The following ZFYVE26 variants were observed in gnomAD, a reference collection of about 807,000 sequenced individuals.
ZFYVE26 encodes the protein zinc finger FYVE domain-containing protein 26.
In ZFYVE26, 181 loss-of-function variants were observed where a neutral mutation model predicts 276.5. That is an observed-to-expected ratio of 0.65 (90% CI 0.58 to 0.74). ZFYVE26 has a LOEUF of 0.74. Among genes scored for constraint, ZFYVE26 ranks in the 30% least tolerant of loss-of-function variants. The pLI is 0.00. For synonymous variants in ZFYVE26, 1,129 were observed against 1,203.1 expected, an observed-to-expected ratio of 0.94 and a Z score of 1.27; for missense variants, 2,821 against 3,097.9, an observed-to-expected ratio of 0.91 and a Z score of 2.12.
chr14:67,781,822 A>C (rs927463179), intron 21 of ZFYVE26, among the ~76,000 whole-genome samples: 1 of 152,230 alleles, frequency 6.6e-6, no homozygotes, highest in African/African-American at 2.4e-5. Flanking sequence ...GAAGGACAGA[A>C]GAGATGAAGC....
rs757797866 is a variant in ZFYVE26 at position 67,786,261 on chromosome 14, G to GAAAAAAA, written c.3020-29_3020-28insTTTTTTT. On this transcript the variant is annotated intron_variant, in intron 16 of 41. Coordinates refer to ENST00000347230, the MANE Select transcript of ZFYVE26 (RefSeq NM_015346.4). Reference sequence around the variant, plus strand: ...GGAAATAGATGAAGGAAGAGGGAATGCAAAAAAAAAAAATTGAAGTGTTTT... The same window carrying GAAAAAAA: ...GGAAATAGATGAAGGAAGAGGGAATGAAAAAAACAAAAAAAAAAAATTGAAGTGTTTT... The GAAAAAAA allele has an allele frequency of 1.6e-3, 821 of 516,566 alleles. 16 individuals are homozygous for GAAAAAAA. The highest frequency in any genetic ancestry group is 0.013 in the African/African-American group (479 of 35,802). 32.0% of individuals were successfully genotyped at this position (516,566 alleles called of 1,614,324 possible).
rs2038278121 is a variant in ZFYVE26, at chr14:67,731,691, A to C, written n.2680-1872T>G. 2.6e-5 allele frequency among the ~76,000 whole-genome samples: 4 copies of C among 152,310 alleles called. No individual in the cohort carries two copies. The South Asian group carries it at 8.3e-4, about 32-fold the overall frequency. ...AAGGAAAAAACTGGAATACAAAACT[A>C]TATGATTTTTTATACATAGAGAACA... is the stretch of plus-strand genomic sequence containing the variant. On this transcript the variant is annotated intron_variant and non_coding_transcript_variant, in intron 13 of 14. Transcript: ENST00000394455.
chr14:67,772,297 T>C, intron 27 of ZFYVE26, 87 bp from the exon 28 acceptor site: 2 of 1,422,048 alleles, frequency 1.4e-6, no homozygotes, highest in South Asian at 2.5e-5. Context: ...TTTACCATTT[T>C]ACAAACCGTT....
intron 14 of ZFYVE26, among the ~76,000 whole-genome samples, chr14:67,791,526 T>C (rs2039812809): frequency 6.6e-6 from 1 of 152,110 alleles, no homozygotes; most frequent in Non-Finnish European, 1.5e-5. Flanking sequence ...AAAAAATAAA[T>C]TTTTAATATT....
downstream of ZFYVE26, among the ~76,000 whole-genome samples, chr14:67,745,794 T>C (rs1376239430): frequency 6.6e-6 from 1 of 151,640 alleles, no homozygotes; most frequent in African/African-American, 2.4e-5. Flanking sequence ...TTTGGGAGGA[T>C]GAGGCAGGAT....
At chr14:67,796,107 T>C (rs1182215337) in intron 12 of ZFYVE26, 2 of 152,190 alleles carry the variant, frequency 1.3e-5, no homozygotes, top group African/African-American at 2.4e-5. Flanking sequence ...GGGTGATTAA[T>C]GAATATAAAA....
intron 32 of ZFYVE26, among the ~76,000 whole-genome samples, chr14:67,765,501 G>A (rs943724207): frequency 6.6e-6 from 1 of 152,178 alleles, no homozygotes; most frequent in African/African-American, 2.4e-5. Context: ...CCAAGCAAAT[G>A]TCTGAGGGAG....
At chr14:67,742,874 C>G (rs2038433531), downstream of ZFYVE26, among the ~76,000 whole-genome samples, 1 of 111,480 alleles carries the variant, frequency 9.0e-6, no homozygotes, top group Admixed American at 1.1e-4. Context: ...GGGTCTTACT[C>G]TGTCTCCCAG....
downstream of ZFYVE26, among the ~76,000 whole-genome samples, chr14:67,745,862 C>T (rs184053683): frequency 7.6e-6 from 1 of 131,542 alleles, no homozygotes; most frequent in African/African-American, 3.0e-5. Context: ...ACTGTCTCTA[C>T]AAAAAATAAA....
At chr14:67,802,954 C>T (rs1181238457) in intron 9 of ZFYVE26, among the ~76,000 whole-genome samples, 2 of 152,130 alleles carry the variant, frequency 1.3e-5, no homozygotes, top group African/African-American at 4.8e-5. Flanking sequence ...TACAATGATA[C>T]GTTTCTTAAG....
At chr14:67,811,106 A>C (rs1594941445) in intron 3 of ZFYVE26, among the ~76,000 whole-genome samples, 1 of 152,326 alleles carries the variant, frequency 6.6e-6, no homozygotes, top group Middle Eastern at 3.4e-3. Context: ...CTGGTGGATA[A>C]AATTCATGCT....
At chr14:67,788,215 C>A (rs2039706298) in intron 16 of ZFYVE26, among the ~76,000 whole-genome samples, 1 of 152,136 alleles carries the variant, frequency 6.6e-6, no homozygotes. Context: ...ATGGTGAAAC[C>A]CAGTCTCTAT....
intron 35 of ZFYVE26, among the ~76,000 whole-genome samples, chr14:67,756,966 C>T (rs1427765351): frequency 6.6e-6 from 1 of 152,238 alleles, no homozygotes; most frequent in Non-Finnish European, 1.5e-5. Context: ...TCTTCCCTTT[C>T]TCAGTCTGTG....
At chr14:67,753,259 CCCCTGCTCCAGT>C (rs1201660360) in intron 39 of ZFYVE26, among the ~76,000 whole-genome samples, 1 of 152,170 alleles carries the variant, frequency 6.6e-6, no homozygotes, top group Non-Finnish European at 1.5e-5. Context: ...CCTGCTCCAG[CCCCTGCTCCAGT>C]GCCACAGCCC....
At position 67,780,324 on chromosome 14, in the gene ZFYVE26, G is replaced by T; in HGVS notation, c.4591C>A (p.Pro1531Thr). 1.2e-6 allele frequency: 2 copies of T among 1,613,762 alleles called. No homozygotes were observed. The highest frequency in any genetic ancestry group is 1.7e-6 in the Non-Finnish European group (2 of 1,179,916). Residue 1531 changes from proline to threonine, a missense_variant, in exon 23 of 42, where the codon CCA becomes ACA. Physicochemically the swap from Pro to Thr is conservative, Grantham distance 38. Transcript: ENST00000347230. ...YQKILGLQSP[P>T]VWCDWQTLRS... ...AAGGTCTGCCAGTCACACCACACTGGGGGAGACTGCAAACCCAGAATCTAA... is the reference window on the plus strand; with the variant it reads ...AAGGTCTGCCAGTCACACCACACTGTGGGAGACTGCAAACCCAGAATCTAA...
At chr14:67,814,183 C>T (rs2040355011) in intron 2 of ZFYVE26, 119 bp from the exon 3 acceptor site, 1 of 783,848 alleles carries the variant, frequency 1.3e-6, no homozygotes, top group Non-Finnish European at 2.2e-6. Context: ...CAAGACACTG[C>T]CCTAATGAGA....
exon 14 of ZFYVE26, chr14:67,729,417 G>C (rs942579097): frequency 1.3e-6 from 2 of 1,579,196 alleles, no homozygotes; most frequent in Non-Finnish European, 1.7e-6. Flanking sequence ...CACCACCTGT[G>C]TGCATGGGAG....
At chr14:67,789,714 T>C in intron 15 of ZFYVE26, 116 bp from the exon 16 acceptor site, 1 of 1,314,572 alleles carries the variant, frequency 7.6e-7, no homozygotes, top group South Asian at 1.2e-5. Context: ...CAGGGTATCT[T>C]TCATGTATAT....
chr14:67,739,877 C>T (rs2038395122), intron 13 of ZFYVE26, among the ~76,000 whole-genome samples: 1 of 152,170 alleles, frequency 6.6e-6, no homozygotes, highest in South Asian at 2.1e-4. Flanking sequence ...GTACAACTTG[C>T]TCTGATAGGA....
Sources: allele counts gnomAD v4.1 joint callset (sites outside exome capture counted in the v4.1 genomes callset), GRCh38; gene constraint gnomAD v4.1.1; transcripts MANE v1.5; gene names NCBI Gene and HGNC (gene_info 2026-07-23, HGNC 2026-07-21).